Variants in FLT4 observed in about 807,000 individuals in gnomAD.
FLT4 encodes the protein vascular endothelial growth factor receptor 3.
FLT4 carries 30 observed loss-of-function variants against 163.2 expected under a neutral mutation model. The observed-to-expected ratio is 0.18, with a 90% confidence interval of 0.14 to 0.25. The LOEUF is 0.25. Ranked by LOEUF, FLT4 falls within the 10% of genes least tolerant of loss-of-function variation. The probability of loss-of-function intolerance (pLI) is 1.00; values close to 1 mark genes in which losing one functional copy is unlikely to be tolerated. For synonymous variants in FLT4, 884 were observed against 789.5 expected (o/e 1.12, Z -2.01); for missense variants, 1,510 against 1,863.8 (o/e 0.81, Z 3.50).
chr5:180,614,002 C>T (rs562547253), intron 24 of FLT4, 66 bp downstream of exon 24: 21 of 1,121,656 alleles, frequency 1.9e-5, no homozygotes, highest in Middle Eastern at 2.0e-4. Context: ...CCAGCAGGGG[C>T]GGTCATGTAA....
intron 29 of FLT4, among the ~76,000 whole-genome samples, chr5:180,604,083 C>T (rs1439236993): frequency 6.6e-6 from 1 of 152,134 alleles, no homozygotes; most frequent in Admixed American, 6.5e-5. Flanking sequence ...CACAGTGGAG[C>T]ATGGCATGCG....
At chr5:180,614,392 T>C (rs750798605) in intron 23 of FLT4, among the ~76,000 whole-genome samples, 1 of 152,088 alleles carries the variant, frequency 6.6e-6, no homozygotes, top group Non-Finnish European at 1.5e-5. Context: ...GGTATCTCCC[T>C]GCTGCTGTTC....
At position 180,629,939 on chromosome 5, in the gene FLT4, T is replaced by C; in HGVS notation, c.676+4A>G. 1 of 1,612,824 alleles carries C rather than the reference T, an allele frequency of 6.2e-7. No individual in the cohort carries two copies. Among genetic ancestry groups the C allele is most frequent in the Non-Finnish European group, 8.5e-7 (1 of 1,179,994 alleles). ...TTACTGGGAACGGGGCACAGCCCTG[T>C]TACCTGTGATGTGCACCAGGAAGGG... On this transcript the variant is annotated splice_donor_region_variant and intron_variant, in intron 5 of 29. Coordinates refer to ENST00000261937, the MANE Select transcript of FLT4 (RefSeq NM_182925.5).
Position 180,633,877 on chromosome 5 carries a change from C to T in FLT4, c.59-2099G>A, listed in dbSNP as rs147209861. On this transcript the variant is annotated intron_variant, in intron 1 of 29. Coordinates refer to ENST00000261937, the MANE Select transcript of FLT4 (RefSeq NM_182925.5). Reference sequence around the variant, plus strand: ...GAGGCCAGTGTCCACCTGCCCAGCCCCATGACTGCAGGAGAGAGAACATCC... The same window carrying T: ...GAGGCCAGTGTCCACCTGCCCAGCCTCATGACTGCAGGAGAGAGAACATCC... Among the ~76,000 whole-genome samples, 386 of 152,282 alleles carry T rather than the reference C, an allele frequency of 2.5e-3. 2 individuals are homozygous for T. Among genetic ancestry groups the T allele is most frequent in the African/African-American group, 8.7e-3 (361 of 41,542 alleles).
intron 1 of FLT4, among the ~76,000 whole-genome samples, chr5:180,647,663 G>A (rs577323193): frequency 3.3e-5 from 5 of 151,982 alleles, no homozygotes; most frequent in South Asian, 2.1e-4. Context: ...GGGGGCTCCC[G>A]GGGTCTTCAG....
Position 180,620,468 on chromosome 5 carries a change from C to T in FLT4, c.2406+141G>A. ...CAGACAACCTCTGCGGGGTTGGAGCCCAGCGTGAAGGGCAGGGAGGCTTCC... is the reference window on the plus strand; with the variant it reads ...CAGACAACCTCTGCGGGGTTGGAGCTCAGCGTGAAGGGCAGGGAGGCTTCC... On this transcript the variant is annotated intron_variant, in intron 16 of 29. Coordinates refer to ENST00000261937, the MANE Select transcript of FLT4 (RefSeq NM_182925.5). The surrounding 1 kb of genome is among the most constrained non-coding windows in gnomAD (Gnocchi z 4.4). The T allele has an allele frequency of 8.2e-7, 1 of 1,224,742 alleles. No individual in the cohort carries two copies. The highest frequency in any genetic ancestry group is 1.2e-6 in the Non-Finnish European group (1 of 839,690). 75.9% of individuals were successfully genotyped at this position (1,224,742 alleles called of 1,614,324 possible).
In FLT4 at chr5:180,602,876, G is replaced by T; in HGVS notation, c.*316C>A. The stretch of plus-strand genomic sequence containing the variant: ...CCACCACCCAGTGTGATGAAAGGAG[G>T]TCGCCAAAGAGACATTCCCATGGAA... On this transcript the variant is annotated 3_prime_UTR_variant, in exon 30 of 30. Transcript: ENST00000261937. 1 of 585,278 alleles carries T rather than the reference G, an allele frequency of 1.7e-6. No homozygotes were observed. The highest frequency in any genetic ancestry group is 3.0e-6 in the Non-Finnish European group (1 of 329,424). The allele number at this position is 585,278 out of a possible 1,614,324, so 36.3% of individuals were successfully genotyped here.
chr5:180,610,386 G>A (rs952735317), intron 27 of FLT4, among the ~76,000 whole-genome samples: 3 of 152,262 alleles, frequency 2.0e-5, no homozygotes, highest in African/African-American at 4.8e-5. Context: ...CTGCCCGTAC[G>A]TGGGTGCACT....
In FLT4 at chr5:180,622,181, C is replaced by T. The variant is rs34389609; in HGVS notation, c.1658-277G>A. ...TTCCCTGGCTTTTCCCAGTGCCGTG[C>T]GCCCACTTCCTCTTGTCTCTCTGGT... On this transcript the variant is annotated intron_variant, in intron 12 of 29. Transcript: ENST00000261937. Among the ~76,000 whole-genome samples, 16,249 of 152,062 alleles carry T rather than the reference C, an allele frequency of 0.11. 1,268 individuals are homozygous for T. Among genetic ancestry groups the T allele is most frequent in the African/African-American group, 0.22 (9,310 of 41,418 alleles).
chr5:180,609,116 C>G, intron 28 of FLT4, 63 bp from the exon 29 acceptor site: 1 of 1,418,596 alleles, frequency 7.0e-7, no homozygotes, highest in Non-Finnish European at 1.0e-6. Context: ...GGGCAGCCAC[C>G]CCCAGCCAGG....
Position 180,603,035 on chromosome 5 carries a change from G to T in FLT4, c.*157C>A. ...GAATTCCGGGAGCCTTGGGCCTGGA[G>T]TCCTGCTCTTCCTAGCTGGGAAGTC... On this transcript the variant is annotated 3_prime_UTR_variant, in exon 30 of 30. Transcript: ENST00000261937. 1 of 752,176 alleles carries T rather than the reference G, an allele frequency of 1.3e-6. No individual in the cohort carries two copies. Among genetic ancestry groups the T allele is most frequent in the Non-Finnish European group, 2.2e-6 (1 of 445,246 alleles). The allele number at this position is 752,176 out of a possible 1,614,324, so 46.6% of individuals were successfully genotyped here.
intron 1 of FLT4, among the ~76,000 whole-genome samples, chr5:180,639,950 A>G (rs1017123093): frequency 2.0e-5 from 3 of 152,186 alleles, no homozygotes; most frequent in African/African-American, 7.2e-5. Flanking sequence ...CCAAGCCTGC[A>G]GCAGCGTGGT....
chr5:180,631,329 C>G (rs558780856), intron 2 of FLT4, among the ~76,000 whole-genome samples: 12 of 152,106 alleles, frequency 7.9e-5, no homozygotes, highest in African/African-American at 2.9e-4. Flanking sequence ...AAAAATTAGC[C>G]GGGCGTGGTG....
Position 180,620,215 on chromosome 5 carries a change from C to T in FLT4, c.2500G>A (p.Asp834Asn), listed in dbSNP as rs201205543. ...CGGGGGAATTCCCACTGGCTGGCAT[C>T]GTAGGACAGGTATTCGCATTGCTCC... ...LEEQCEYLSY[D>N]ASQWEFPRER... The change falls in exon 17 of 30, where the codon GAT becomes AAT. Residue 834 changes from aspartate (D) to asparagine (N), a missense_variant. Transcript: ENST00000261937. The surrounding 1 kb of genome is among the most constrained non-coding windows in gnomAD (Gnocchi z 4.4). 297 of 1,610,988 alleles carry T rather than the reference C, an allele frequency of 1.8e-4. No individual in the cohort carries two copies. The South Asian group carries it at 2.9e-3, about 16-fold the overall frequency.
intron 29 of FLT4, among the ~76,000 whole-genome samples, chr5:180,605,969 G>GGACT (rs1761759198): frequency 6.6e-6 from 1 of 152,222 alleles, no homozygotes; most frequent in Non-Finnish European, 1.5e-5. Flanking sequence ...AGACAGCGAA[G>GGACT]GACTAGGCAG....
At position 180,603,365 on chromosome 5, in the gene FLT4, C is replaced by A. The variant is rs1483772533; in HGVS notation, c.3919G>T (p.Ala1307Ser). ...GAGTCAGGGTGTGCCCTGGTCACAG[C>A]CACATTCTGGCCAGGTCCTTTACAG... ...FSCKGPGQNVAVTRAHPDSQG... is the reference protein window; with the variant it reads ...FSCKGPGQNVSVTRAHPDSQG... The change falls in exon 30 of 30, where the codon GCT (alanine) becomes TCT (serine). Residue 1307 changes from alanine (A) to serine (S), a missense_variant. By Grantham distance (99) the Ala-to-Ser change is moderately conservative. Transcript: ENST00000261937. 2 of 1,614,088 alleles carry A rather than the reference C, an allele frequency of 1.2e-6. No individual in the cohort carries two copies. Among genetic ancestry groups the A allele is most frequent in the East Asian group, 4.5e-5 (2 of 44,880 alleles).
rs1474651988 is a variant in FLT4 at position 180,620,326 on chromosome 5, G to A, written c.2407-18C>T. The A allele has an allele frequency of 6.2e-7, 1 of 1,609,260 alleles. No individual in the cohort carries two copies. ...TGGGCCGGCTGCGGGGAGGGGACAG[G>A]GAGGAGTGGGGCAGCTCACTGATTT... On this transcript the variant is annotated intron_variant, in intron 16 of 29. Coordinates refer to ENST00000261937, the MANE Select transcript of FLT4 (RefSeq NM_182925.5). This position sits in a 1 kb window ranked among gnomAD's most constrained non-coding sequence, Gnocchi z 4.4.
At chr5:180,616,317 C>G in intron 23 of FLT4, 50 bp downstream of exon 23, 2 of 1,612,588 alleles carry the variant, frequency 1.2e-6, no homozygotes, top group Non-Finnish European at 8.5e-7. Flanking sequence ...TGGTCCCACC[C>G]CTTCACCTGT....
At chr5:180,648,911 G>A (rs147527740) in intron 1 of FLT4, among the ~76,000 whole-genome samples, 3 of 152,294 alleles carry the variant, frequency 2.0e-5, no homozygotes, top group East Asian at 1.9e-4. Flanking sequence ...AAGTGCCAGC[G>A]TGCACCTGCA....
Sources: gnomAD v4.1 joint callset for allele counts (sites outside exome capture counted in the v4.1 genomes callset) on GRCh38, gnomAD v4.1.1 for gene constraint, Gnocchi (gnomAD v3.1) non-coding constraint, MANE v1.5 for transcripts, NCBI Gene and HGNC (gene_info 2026-07-23, HGNC 2026-07-21) for gene names.